AUH: variants seen among roughly 807,000 people sequenced by gnomAD.
AUH encodes methylglutaconyl-CoA hydratase, mitochondrial.
In AUH, 29 loss-of-function variants were observed where a neutral mutation model predicts 42.3. That is an observed-to-expected ratio of 0.69 (90% CI 0.51 to 0.93). The LOEUF is 0.93. Ranked by LOEUF, AUH falls within the 40% of genes least tolerant of loss-of-function variation. The pLI is 0.00. For synonymous variants in AUH, 174 were observed against 166.4 expected (o/e 1.05, Z -0.35); for missense variants, 452 against 438.1 (o/e 1.03, Z -0.28).
chr9:91,263,435 AGT>A (rs534172507), intron 6 of AUH, among the ~76,000 whole-genome samples: 54 of 152,376 alleles, frequency 3.5e-4, no homozygotes, highest in African/African-American at 1.3e-3. Context: ...AAAATAACTC[AGT>A]TTTAAAAGCC....
intron 6 of AUH, among the ~76,000 whole-genome samples, chr9:91,241,234 C>G (rs1040302852): frequency 1.3e-5 from 2 of 152,174 alleles, no homozygotes; most frequent in African/African-American, 4.8e-5. Flanking sequence ...ATGGACTCTT[C>G]TGTAGCAGCA....
At chr9:91,333,669 A>G (rs1392241604) in intron 3 of AUH, among the ~76,000 whole-genome samples, 1 of 152,216 alleles carries the variant, frequency 6.6e-6, no homozygotes, top group East Asian at 1.9e-4. Flanking sequence ...ACCTTTTCAC[A>G]TAAACAAGGA....
In AUH at chr9:91,225,812, T is replaced by C. The variant is rs577499809; in HGVS notation, c.656-4820A>G. On this transcript the variant is annotated intron_variant, in intron 6 of 9. Coordinates refer to ENST00000375731, the MANE Select transcript of AUH (RefSeq NM_001698.3). The stretch of plus-strand genomic sequence containing the variant: ...GTGAGAATATGCGGTGTTTGGTTTT[T>C]TGTTCTTGGGATAGTTTACTGAGAA... 2.1e-4 allele frequency among the ~76,000 whole-genome samples: 32 copies of C among 151,910 alleles called. No homozygotes were observed. The East Asian group carries it at 5.6e-3, about 27-fold the overall frequency.
At chr9:91,273,741 C>T (rs1288174006) in intron 6 of AUH, among the ~76,000 whole-genome samples, 3 of 152,136 alleles carry the variant, frequency 2.0e-5, no homozygotes, top group Non-Finnish European at 2.9e-5. Flanking sequence ...CAGTGGCCCC[C>T]AAACCAGGCA....
intron 4 of AUH, among the ~76,000 whole-genome samples, chr9:91,319,429 G>A (rs1829402571): frequency 6.6e-6 from 1 of 152,164 alleles, no homozygotes; most frequent in African/African-American, 2.4e-5. Context: ...AGGAATGTCA[G>A]GTGACCATGT....
intron 3 of AUH, among the ~76,000 whole-genome samples, chr9:91,353,156 G>A (rs911704495): frequency 6.6e-6 from 1 of 151,778 alleles, no homozygotes; most frequent in African/African-American, 2.4e-5. Context: ...GCGTCATCTC[G>A]GCTCACTGCA....
intron 6 of AUH, among the ~76,000 whole-genome samples, chr9:91,248,741 C>T (rs112344036): frequency 6.6e-6 from 1 of 152,252 alleles, no homozygotes; most frequent in African/African-American, 2.4e-5. Context: ...GTAACAAAAC[C>T]ATTTCCCCTC....
intron 4 of AUH, among the ~76,000 whole-genome samples, chr9:91,319,854 C>T (rs925122829): frequency 9.9e-5 from 15 of 152,176 alleles, no homozygotes; most frequent in African/African-American, 3.1e-4. Context: ...TCAAACGGTG[C>T]GCCTGATCTC....
At chr9:91,221,888 GC>G (rs2131221571) in intron 6 of AUH, among the ~76,000 whole-genome samples, 1 of 152,180 alleles carries the variant, frequency 6.6e-6, no homozygotes, top group African/African-American at 2.4e-5. Context: ...ACAAAGTTGG[GC>G]AAAAGCAGGT....
At chr9:91,272,453 C>T (rs1306039938) in intron 6 of AUH, among the ~76,000 whole-genome samples, 1 of 152,138 alleles carries the variant, frequency 6.6e-6, no homozygotes, top group Non-Finnish European at 1.5e-5. Flanking sequence ...ATCCTGAAGC[C>T]GAGAGCACTG....
chr9:91,273,605 C>T (rs1393664278), intron 6 of AUH, among the ~76,000 whole-genome samples: 5 of 152,288 alleles, frequency 3.3e-5, no homozygotes, highest in Non-Finnish European at 7.4e-5. Context: ...TTTAAGGTCG[C>T]TCAAAATAAA....
rs116007231 is a variant in AUH at position 91,288,756 on chromosome 9, A to G, written c.655+7265T>C. Among the ~76,000 whole-genome samples the G allele has an allele frequency of 3.6e-3, 553 of 152,226 alleles. 7 individuals are homozygous for G. Among genetic ancestry groups the G allele is most frequent in the African/African-American group, 0.013 (527 of 41,548 alleles). On this transcript the variant is annotated intron_variant, in intron 6 of 9. Transcript: ENST00000375731. ...CACGTCTTTCTTTTTATTGCACTAT[A>G]TACTTTTAATAGTCATTTGATACTA...
At chr9:91,291,051 C>A (rs1486394456) in intron 6 of AUH, among the ~76,000 whole-genome samples, 1 of 152,212 alleles carries the variant, frequency 6.6e-6, no homozygotes, top group East Asian at 1.9e-4. Flanking sequence ...GTGAGAAAAT[C>A]TGTTCCATGC....
intron 4 of AUH, among the ~76,000 whole-genome samples, chr9:91,308,812 C>T (rs552910099): frequency 7.0e-5 from 10 of 143,714 alleles, no homozygotes; most frequent in East Asian, 2.0e-4. Flanking sequence ...TTTTTTGAGA[C>T]GCAGTTTCGC....
At chr9:91,223,744 A>T (rs980444897) in intron 6 of AUH, among the ~76,000 whole-genome samples, 2 of 151,960 alleles carry the variant, frequency 1.3e-5, no homozygotes, top group African/African-American at 4.8e-5. Context: ...ATTTTTTTTT[A>T]TAGTAGCCAT....
chr9:91,328,932 T>C (rs1237167180), intron 3 of AUH, among the ~76,000 whole-genome samples: 2 of 152,172 alleles, frequency 1.3e-5, no homozygotes, highest in Non-Finnish European at 2.9e-5. Context: ...AGTTGCTCCC[T>C]GTTTCCATCC....
intron 3 of AUH, 147 bp downstream of exon 3, chr9:91,355,735 GT>G (rs1181517776): frequency 2.8e-6 from 2 of 709,176 alleles, no homozygotes; most frequent in Non-Finnish European, 2.4e-6. Flanking sequence ...GACTAAGCAT[GT>G]TTTTTTCTTG....
chr9:91,357,629 C>A (rs1240399878), intron 1 of AUH: 1 of 464,964 alleles, frequency 2.2e-6, no homozygotes, highest in African/African-American at 2.1e-5. Context: ...TAACTTGTAA[C>A]CAGAATTGAT....
chr9:91,306,189 TA>T, intron 4 of AUH: 1 of 218,054 alleles, frequency 4.6e-6, no homozygotes, highest in Non-Finnish European at 7.8e-6. Flanking sequence ...GCTATTAAAA[TA>T]AAAAGGGCCA....
Sources: gnomAD v4.1 joint callset for allele counts (sites outside exome capture counted in the v4.1 genomes callset) on GRCh38, gnomAD v4.1.1 for gene constraint, MANE v1.5 for transcripts, NCBI Gene and HGNC (gene_info 2026-07-23, HGNC 2026-07-21) for gene names.